The following DOCK8 variants were observed in gnomAD, a reference collection of about 807,000 sequenced individuals.
The protein encoded by DOCK8 is dedicator of cytokinesis 8.
Under a neutral mutation model 245.6 loss-of-function variants are expected in DOCK8, and 141 were observed. The ratio of observed to expected loss-of-function variants is 0.57; its 90% confidence interval spans 0.50 to 0.66. DOCK8 has a LOEUF of 0.66. Among genes scored for constraint, DOCK8 ranks in the 30% least tolerant of loss-of-function variants. The probability of loss-of-function intolerance (pLI) is 0.00; values close to 1 mark genes in which losing one functional copy is unlikely to be tolerated. For missense variants in DOCK8, 2,965 were observed against 2,603.4 expected, an observed-to-expected ratio of 1.14 and a Z score of -3.02; for synonymous variants, 1,168 against 970.2, an observed-to-expected ratio of 1.20 and a Z score of -3.79.
chr9:428,611 A>G (rs2056589078), intron 35 of DOCK8, 115 bp downstream of exon 35: 1 of 1,320,896 alleles, frequency 7.6e-7, no homozygotes, highest in Non-Finnish European at 1.1e-6. Context: ...GTGGCATCAC[A>G]GTAAAGGTCT....
intron 22 of DOCK8, among the ~76,000 whole-genome samples, chr9:384,428 C>A (rs993517876): frequency 6.6e-6 from 1 of 152,184 alleles, no homozygotes; most frequent in African/African-American, 2.4e-5. Context: ...TTCACCCTTA[C>A]AAATTCCAGC....
chr9:254,459 C>A (rs1445985422), intron 1 of DOCK8, among the ~76,000 whole-genome samples: 1 of 152,140 alleles, frequency 6.6e-6, no homozygotes, highest in Non-Finnish European at 1.5e-5. Flanking sequence ...AGCAAGATTA[C>A]CTTTCTTTTA....
At chr9:418,356 C>G (rs1303050490) in intron 30 of DOCK8, 149 bp downstream of exon 30, 2 of 1,102,372 alleles carry the variant, frequency 1.8e-6, no homozygotes, top group Non-Finnish European at 2.7e-6. Flanking sequence ...ACTGCAACCT[C>G]CGCCTCCCGG....
At chr9:429,276 C>T (rs942367461) in intron 35 of DOCK8, among the ~76,000 whole-genome samples, 1 of 152,188 alleles carries the variant, frequency 6.6e-6, no homozygotes, top group Non-Finnish European at 1.5e-5. Flanking sequence ...CTATTTTTCC[C>T]TTTATTGAAG....
intron 26 of DOCK8, among the ~76,000 whole-genome samples, chr9:400,012 A>ATCT (rs756417517): frequency 0.23 from 21,670 of 93,728 alleles, 3,583 homozygotes; most frequent in East Asian, 0.46. Flanking sequence ...CACCTCCACC[A>ATCT]TCACCACCAC....
At chr9:247,103 C>T (rs1288111558) in intron 1 of DOCK8, among the ~76,000 whole-genome samples, 1 of 152,148 alleles carries the variant, frequency 6.6e-6, no homozygotes, top group Non-Finnish European at 1.5e-5. Context: ...TTCTGAATGA[C>T]CTGAGTGTTT....
intron 6 of DOCK8, 146 bp downstream of exon 6, chr9:312,312 G>GCA: frequency 2.2e-6 from 2 of 912,490 alleles, no homozygotes; most frequent in Non-Finnish European, 3.5e-6. Flanking sequence ...TTTCACTCAG[G>GCA]CAAGCCTGTG....
chr9:400,842 C>T (rs1457623443), intron 26 of DOCK8, among the ~76,000 whole-genome samples: 2 of 99,186 alleles, frequency 2.0e-5, no homozygotes, highest in African/African-American at 4.8e-5. Context: ...ATCACCACCA[C>T]CTCCACCATC....
chr9:226,236 C>T (rs186540130), intron 1 of DOCK8, among the ~76,000 whole-genome samples: 87 of 152,194 alleles, frequency 5.7e-4, no homozygotes, highest in Admixed American at 3.3e-3. Flanking sequence ...GGGAATTGCC[C>T]TTTATAAAAC....
At chr9:270,365 C>G (rs549308448) in intron 1 of DOCK8, among the ~76,000 whole-genome samples, 1 of 152,174 alleles carries the variant, frequency 6.6e-6, no homozygotes, top group Non-Finnish European at 1.5e-5. Context: ...AAGAGAGACA[C>G]TTGTCCTGCC....
In DOCK8 at chr9:434,988, C is replaced by T. The variant is rs1198860547; in HGVS notation, c.5079+13C>T. The T allele has an allele frequency of 6.2e-7, 1 of 1,611,620 alleles. No individual in the cohort carries two copies. Among genetic ancestry groups the T allele is most frequent in the Admixed American group, 1.7e-5 (1 of 59,998 alleles). Reference sequence around the variant, plus strand: ...TGTCAGCTTCCAGGTAGGGTGTGTGCAGCTTTTCCCTTAGAGCAGTGGTTC... The same window carrying T: ...TGTCAGCTTCCAGGTAGGGTGTGTGTAGCTTTTCCCTTAGAGCAGTGGTTC... On this transcript the variant is annotated intron_variant, in intron 39 of 47. Transcript: ENST00000432829.
intron 5 of DOCK8, among the ~76,000 whole-genome samples, chr9:308,413 G>A (rs929403330): frequency 6.6e-6 from 1 of 152,184 alleles, no homozygotes; most frequent in African/African-American, 2.4e-5. Context: ...TACTCATCAT[G>A]GAGAGAATCT....
At chr9:310,386 T>C (rs902957335) in intron 5 of DOCK8, among the ~76,000 whole-genome samples, 3 of 152,238 alleles carry the variant, frequency 2.0e-5, no homozygotes, top group African/African-American at 7.2e-5. Context: ...ACAAAGAAAT[T>C]AGTAACTTGT....
chr9:446,865 A>G (rs1418136465), intron 44 of DOCK8, among the ~76,000 whole-genome samples: 2 of 151,496 alleles, frequency 1.3e-5, no homozygotes, highest in Admixed American at 6.6e-5. Flanking sequence ...TATGTATTTA[A>G]TTATAATATT....
intron 10 of DOCK8, 114 bp downstream of exon 10, chr9:332,592 C>T (rs1443138257): frequency 5.3e-6 from 3 of 567,756 alleles, no homozygotes; most frequent in African/African-American, 3.9e-5. Flanking sequence ...CTATATAAGA[C>T]ACTACTACAT....
chr9:261,516 T>C (rs7871949), intron 1 of DOCK8, among the ~76,000 whole-genome samples: 4,196 of 152,310 alleles, frequency 0.028, 80 homozygotes, highest in South Asian at 0.048. Flanking sequence ...TTAAGATTTG[T>C]TTTATGGTCG....
chr9:412,046 C>T (rs1199537461), intron 28 of DOCK8, among the ~76,000 whole-genome samples: 1 of 152,090 alleles, frequency 6.6e-6, no homozygotes, highest in Admixed American at 6.6e-5. Flanking sequence ...AATGTCTACC[C>T]TTGCCACTTC....
intron 28 of DOCK8, among the ~76,000 whole-genome samples, chr9:412,418 A>C (rs1180749290): frequency 6.6e-6 from 1 of 151,526 alleles, no homozygotes; most frequent in Non-Finnish European, 1.5e-5. Context: ...AAAAAAAAAA[A>C]AAAGAAAAAG....
intron 1 of DOCK8, among the ~76,000 whole-genome samples, chr9:234,392 A>G (rs139121479): frequency 1.3e-5 from 2 of 152,066 alleles, no homozygotes; most frequent in African/African-American, 2.4e-5. Flanking sequence ...TGCTTTTCTC[A>G]AGGAGTATCT....
Sources: allele counts gnomAD v4.1 joint callset (sites outside exome capture counted in the v4.1 genomes callset), GRCh38; gene constraint gnomAD v4.1.1; transcripts MANE v1.5; gene names NCBI Gene and HGNC (gene_info 2026-07-23, HGNC 2026-07-21).